SOX6: variants seen among roughly 807,000 people sequenced by gnomAD.
SOX6 encodes the protein transcription factor SOX-6.
In SOX6, 11 loss-of-function variants were observed where a neutral mutation model predicts 97.8. The ratio of observed to expected loss-of-function variants is 0.11; its 90% CI spans 0.07 to 0.19. The LOEUF (loss-of-function observed/expected upper bound fraction) is 0.19, where lower values mean the gene tolerates loss of function less well. Among genes scored for constraint, SOX6 ranks in the 10% least tolerant of loss-of-function variants. The probability of loss-of-function intolerance (pLI) is 1.00; values close to 1 mark genes in which losing one functional copy is unlikely to be tolerated. For synonymous variants in SOX6, 360 were observed against 371.4 expected (o/e 0.97, Z 0.35); for missense variants, 810 against 1,039.5 (o/e 0.78, Z 3.04).
At chr11:16,710,720 G>A (rs148243948) in intron 3 of SOX6, among the ~76,000 whole-genome samples, 44 of 152,180 alleles carry the variant, frequency 2.9e-4, no homozygotes, top group Non-Finnish European at 5.3e-4. Context: ...CATTCCCATG[G>A]ATTTGAATAC....
chr11:16,399,694 CAGA>C (rs1858493619), intron 1 of SOX6, among the ~76,000 whole-genome samples: 1 of 151,388 alleles, frequency 6.6e-6, no homozygotes, highest in African/African-American at 2.4e-5. Context: ...AGGTTCTTAA[CAGA>C]AGGACTTCCA....
chr11:16,192,589 G>GA (rs1371755265), intron 4 of SOX6, among the ~76,000 whole-genome samples: 18 of 149,176 alleles, frequency 1.2e-4, no homozygotes, highest in African/African-American at 3.7e-4. Flanking sequence ...TGAAGAACTT[G>GA]AAAAAAAATA....
At chr11:16,636,345 C>T (rs553413073) in intron 3 of SOX6, among the ~76,000 whole-genome samples, 8 of 152,306 alleles carry the variant, frequency 5.3e-5, no homozygotes, top group African/African-American at 1.7e-4. Flanking sequence ...TTCAGACTTG[C>T]ATGGTGCCTG....
At chr11:16,672,497 G>A (rs895664634) in intron 3 of SOX6, among the ~76,000 whole-genome samples, 1 of 152,170 alleles carries the variant, frequency 6.6e-6, no homozygotes, top group Non-Finnish European at 1.5e-5. Context: ...AATCATGATG[G>A]AAGGCAAGGA....
chr11:16,374,716 C>T (rs746165862), intron 1 of SOX6, among the ~76,000 whole-genome samples: 7 of 151,910 alleles, frequency 4.6e-5, no homozygotes, highest in Admixed American at 2.0e-4. Context: ...GAATTATGTG[C>T]CTGTGATAAA....
chr11:16,561,503 C>G (rs1847814166), intron 4 of SOX6, among the ~76,000 whole-genome samples: 2 of 152,128 alleles, frequency 1.3e-5, no homozygotes, highest in African/African-American at 4.8e-5. Flanking sequence ...CAGGGACTTT[C>G]TCTATCTCAT....
intron 12 of SOX6, among the ~76,000 whole-genome samples, chr11:16,044,652 T>G (rs972262876): frequency 6.6e-6 from 1 of 152,172 alleles, no homozygotes; most frequent in African/African-American, 2.4e-5. Context: ...CAATCATAGA[T>G]ACTGATTCTA....
chr11:16,605,577 G>C lies in SOX6; in HGVS notation n.609+6504C>G, dbSNP rs989593350. ...GGCGGTGGGGTGAGGGTGGGAGGAGGGAGCGCAAGCGTTTTCTAGCGACCC... is the reference window on the plus strand; with the variant it reads ...GGCGGTGGGGTGAGGGTGGGAGGAGCGAGCGCAAGCGTTTTCTAGCGACCC... On this transcript the variant is annotated intron_variant and non_coding_transcript_variant, in intron 4 of 5. Transcript: ENST00000524520. The surrounding 1 kb of genome is among the most constrained non-coding windows in gnomAD (Gnocchi z 5.3). Among the ~76,000 whole-genome samples the C allele has an allele frequency of 6.6e-6, 1 of 152,094 alleles. No homozygotes were observed. The highest frequency in any genetic ancestry group is 2.4e-5 in the African/African-American group (1 of 41,414).
At chr11:16,577,724 G>A (rs927741274) in intron 4 of SOX6, among the ~76,000 whole-genome samples, 11 of 152,038 alleles carry the variant, frequency 7.2e-5, no homozygotes, top group Admixed American at 5.2e-4. Flanking sequence ...TTTGTAAATC[G>A]TATTTGGAGA....
At chr11:16,738,359 A>G in intron 1 of SOX6, 1 of 207,436 alleles carries the variant, frequency 4.8e-6, no homozygotes, top group South Asian at 8.7e-5. Context: ...GCAGCGTTGC[A>G]CGGTGAAAGG....
intron 7 of SOX6, among the ~76,000 whole-genome samples, chr11:16,100,710 A>G (rs1848922874): frequency 6.6e-6 from 1 of 151,510 alleles, no homozygotes; most frequent in African/African-American, 2.4e-5. Flanking sequence ...ACCTCCTGCA[A>G]TAATGCTTTT....
chr11:16,279,510 TG>T lies in SOX6; in HGVS notation c.445+38935del, dbSNP rs1404865159. 2.6e-5 allele frequency among the ~76,000 whole-genome samples: 4 copies of T among 152,088 alleles called. No individual in the cohort carries two copies. In the South Asian group the frequency reaches 8.3e-4, roughly 31 times the overall value. Reference sequence around the variant, plus strand: ...CTATATTTCTTTATATGCTAAATGTTGCAGCATGTATTTGAATTTCATCTTC... The same window carrying T: ...CTATATTTCTTTATATGCTAAATGTTCAGCATGTATTTGAATTTCATCTTC... On this transcript the variant is annotated intron_variant, in intron 3 of 15. Coordinates refer to ENST00000683767, the MANE Select transcript of SOX6 (RefSeq NM_001367873.1).
intron 6 of SOX6, among the ~76,000 whole-genome samples, chr11:16,159,608 A>T (rs1850691518): frequency 6.6e-6 from 1 of 152,120 alleles, no homozygotes; most frequent in South Asian, 2.1e-4. Context: ...ATACCTACAG[A>T]TTTTAGTAAC....
intron 1 of SOX6, among the ~76,000 whole-genome samples, chr11:16,440,378 T>C (rs938216426): frequency 3.3e-5 from 5 of 152,186 alleles, no homozygotes; most frequent in African/African-American, 1.2e-4. Flanking sequence ...AAATTTAATT[T>C]CTAGCGCAGC....
At chr11:16,504,684 C>T (rs1011672683) in intron 4 of SOX6, among the ~76,000 whole-genome samples, 1 of 152,098 alleles carries the variant, frequency 6.6e-6, no homozygotes, top group East Asian at 1.9e-4. Flanking sequence ...TGCCCCCCGC[C>T]CAAAATCTCA....
At chr11:16,029,045 T>C (rs1474511052) in intron 12 of SOX6, among the ~76,000 whole-genome samples, 1 of 152,134 alleles carries the variant, frequency 6.6e-6, no homozygotes, top group East Asian at 1.9e-4. Flanking sequence ...CAACTTTATT[T>C]CTCAAAAAAT....
At chr11:16,670,328 C>T (rs192190656) in intron 3 of SOX6, among the ~76,000 whole-genome samples, 1 of 152,164 alleles carries the variant, frequency 6.6e-6, no homozygotes, top group Non-Finnish European at 1.5e-5. Context: ...GAGCCTTCAA[C>T]CCCCTCCTCC....
chr11:16,638,304 A>G (rs1354063113), intron 3 of SOX6, among the ~76,000 whole-genome samples: 1 of 152,014 alleles, frequency 6.6e-6, no homozygotes, highest in African/African-American at 2.4e-5. Context: ...CCAGTCTATC[A>G]TTGTTGGACA....
intron 3 of SOX6, among the ~76,000 whole-genome samples, chr11:16,301,555 A>AT (rs1456810929): frequency 6.6e-6 from 1 of 152,200 alleles, no homozygotes; most frequent in Non-Finnish European, 1.5e-5. Flanking sequence ...CTCCCAGGTG[A>AT]TGCCAATGCT....
Sources: gnomAD v4.1 joint callset for allele counts (sites outside exome capture counted in the v4.1 genomes callset) on GRCh38, gnomAD v4.1.1 for gene constraint, Gnocchi (gnomAD v3.1) non-coding constraint, MANE v1.5 for transcripts, NCBI Gene and HGNC (gene_info 2026-07-23, HGNC 2026-07-21) for gene names.